The following IRX3 variants were observed in gnomAD, a reference collection of about 807,000 sequenced individuals.
IRX3 encodes iroquois-class homeodomain protein IRX-3.
In IRX3, 20 loss-of-function variants were observed where a neutral mutation model predicts 36.4. The ratio of observed to expected loss-of-function variants is 0.55; its 90% CI spans 0.39 to 0.80. IRX3 has a LOEUF of 0.80. IRX3 is among the 30% of genes least tolerant of loss of function. The pLI is 0.00. For missense variants in IRX3, 718 were observed against 733.2 expected, an observed-to-expected ratio of 0.98 and a Z score of 0.24; for synonymous variants, 404 against 351.6, an observed-to-expected ratio of 1.15 and a Z score of -1.67.
rs1490649913 is a variant in IRX3, at chr16:54,285,949, G to A, written c.102C>T (p.Gly34=). ...GGSGGSAGAR[G]GLGAGASELN... ...GCTCCGAGGCTCCGGCACCCAGGCCGCCCCGGGCCCCCGCGCTGCCGCCGC... is the reference window on the plus strand; with the variant it reads ...GCTCCGAGGCTCCGGCACCCAGGCCACCCCGGGCCCCCGCGCTGCCGCCGC... Residue 34 remains glycine, a synonymous_variant, in exon 1 of 4, where the codon GGC becomes GGT. Transcript: ENST00000329734. The surrounding 1 kb of genome is among the most constrained non-coding windows in gnomAD (Gnocchi z 5.7). 4.2e-6 allele frequency: 6 copies of A among 1,428,800 alleles called. No individual in the cohort carries two copies. In the African/African-American group the frequency reaches 6.0e-5, roughly 14 times the overall value. 88.5% of individuals were successfully genotyped at this position (1,428,800 alleles called of 1,614,324 possible). A position where few individuals can be genotyped will look rare whatever the true frequency, so the allele number is the denominator to read the frequency against.
At position 54,285,747 on chromosome 16, in the gene IRX3, C is replaced by A. The variant is rs1320960930; in HGVS notation, c.267+37G>T. 16 of 1,496,528 alleles carry A rather than the reference C, an allele frequency of 1.1e-5. No homozygotes were observed. The highest frequency in any genetic ancestry group is 2.3e-5 in the Admixed American group (1 of 42,908). 92.7% of individuals were successfully genotyped at this position (1,496,528 alleles called of 1,614,324 possible). ...GCGCTCAGCTCGCCCTGCGCCCCAG[C>A]GCCAACCCCTCCTTCCCTGGCTCCG... On this transcript the variant is annotated intron_variant, in intron 1 of 3. Transcript: ENST00000329734. The surrounding 1 kb of genome is among the most constrained non-coding windows in gnomAD (Gnocchi z 5.7).
Position 54,285,868 on chromosome 16 carries a change from G to A in IRX3, c.183C>T (p.Tyr61=). The A allele has an allele frequency of 6.5e-7, 1 of 1,542,304 alleles. No homozygotes were observed. The highest frequency in any genetic ancestry group is 8.7e-7 in the Non-Finnish European group (1 of 1,145,936). The change falls in exon 1 of 4, where the codon TAC becomes TAT. Residue 61 remains tyrosine, a synonymous_variant. Transcript: ENST00000329734. This position sits in a 1 kb window ranked among gnomAD's most constrained non-coding sequence, Gnocchi z 5.7. ...CGGCGGCGGCCGCAGCGGCCGCGGC[G>A]TAGGGCGCCCCGTACACGGACGAGA... ...NVLSSVYGAP[Y]AAAAAAAAAQ...
chr16:54,284,304 T>C lies in IRX3; in HGVS notation c.1393A>G (p.Ser465Gly), dbSNP rs775404581. The change falls in exon 3 of 4, where the codon AGT becomes GGT. Residue 465 changes from serine to glycine, a missense_variant. Ser to Gly is a moderately conservative substitution (Grantham distance 56). Transcript: ENST00000329734. The surrounding 1 kb of genome is among the most constrained non-coding windows in gnomAD (Gnocchi z 4.0). ...AEPEGGTDRCSALEVEKKLLK... is the reference protein window; with the variant it reads ...AEPEGGTDRCGALEVEKKLLK... ...AACTTTTTCTCCACTTCCAAGGCAC[T>C]ACAGCGATCTAAGGGAAGCGGGGGA... The C allele has an allele frequency of 6.2e-7, 1 of 1,609,156 alleles. No individual in the cohort carries two copies. Among genetic ancestry groups the C allele is most frequent in the Non-Finnish European group, 8.5e-7 (1 of 1,177,860 alleles).
In IRX3 at chr16:54,285,904, C is replaced by T; in HGVS notation, c.147G>A (p.Leu49=). Residue 49 remains leucine (L), a synonymous_variant, in exon 1 of 4, where the codon CTG becomes CTA. Transcript: ENST00000329734. This position sits in a 1 kb window ranked among gnomAD's most constrained non-coding sequence, Gnocchi z 5.7. ...CGTACACGGACGAGAGCACGTTGGA[C>T]AGGGACCCCGAGGCGTTCAGCTCCG... The part of the protein sequence containing the change: ...GASELNASGS[L]SNVLSSVYGA... The T allele has an allele frequency of 1.3e-6, 2 of 1,531,132 alleles. No individual in the cohort carries two copies. The highest frequency in any genetic ancestry group is 4.0e-5 in the Admixed American group (2 of 49,710). The allele number at this position is 1,531,132 out of a possible 1,614,324, so 94.8% of individuals were successfully genotyped here.
Position 54,285,831 on chromosome 16 carries a change from C to A in IRX3, c.220G>T (p.Gly74Cys). Residue 74 changes from glycine to cysteine, a missense_variant, in exon 1 of 4, where the codon GGC becomes TGC. This residue lies in a region of IRX3 where 204 missense variants were observed against 181.4 expected (regional missense o/e 1.12). Coordinates refer to ENST00000329734, the MANE Select transcript of IRX3 (RefSeq NM_024336.3). The surrounding 1 kb of genome is among the most constrained non-coding windows in gnomAD (Gnocchi z 5.7). ...AAAAAAAQGYGAFLPYAAELP... is the reference protein window; with the variant it reads ...AAAAAAAQGYCAFLPYAAELP... Reference sequence around the variant, plus strand: ...TCCGCGGCGTAGGGCAGGAAGGCGCCGTAGCCTTGGGCGGCGGCGGCCGCA... The same window carrying A: ...TCCGCGGCGTAGGGCAGGAAGGCGCAGTAGCCTTGGGCGGCGGCGGCCGCA... 1 of 1,564,050 alleles carries A rather than the reference C, an allele frequency of 6.4e-7. No individual in the cohort carries two copies. The highest frequency in any genetic ancestry group is 8.6e-7 in the Non-Finnish European group (1 of 1,159,124).
In IRX3 at chr16:54,283,704, C is replaced by T; in HGVS notation, c.1488G>A (p.Ser496=). The T allele has an allele frequency of 7.1e-7, 1 of 1,403,238 alleles. No homozygotes were observed. The highest frequency in any genetic ancestry group is 1.0e-6 in the Non-Finnish European group (1 of 988,196). 86.9% of individuals were successfully genotyped at this position (1,403,238 alleles called of 1,614,324 possible). The part of the protein sequence containing the change: ...QNHLDAALVL[S]ALSSS ...TAAAGAACTAGGATGAGGAGAGAGC[C>T]GATAAGACCAGGGCGGCGTCCAGAT... is the stretch of plus-strand genomic sequence containing the variant. The change falls in exon 4 of 4, where the codon TCG becomes TCA. Residue 496 remains serine, a synonymous_variant. Transcript: ENST00000329734. The surrounding 1 kb of genome is among the most constrained non-coding windows in gnomAD (Gnocchi z 4.4).
At position 54,285,682 on chromosome 16, in the gene IRX3, T is replaced by TC; in HGVS notation, c.268-70dup. On this transcript the variant is annotated intron_variant, in intron 1 of 3. Transcript: ENST00000329734. The surrounding 1 kb of genome is among the most constrained non-coding windows in gnomAD (Gnocchi z 5.7). ...CGAGTGAGCCCCAGCCATCGCTGCC[T>TC]CCCCCCTCCTGGCCTGCACCCCTCT... 1 of 1,460,124 alleles carries TC rather than the reference T, an allele frequency of 6.8e-7. No individual in the cohort carries two copies. Among genetic ancestry groups the TC allele is most frequent in the Non-Finnish European group, 9.0e-7 (1 of 1,110,518 alleles). 90.4% of individuals were successfully genotyped at this position (1,460,124 alleles called of 1,614,324 possible). A position where few individuals can be genotyped will look rare whatever the true frequency, so the allele number is the denominator to read the frequency against.
In IRX3 at chr16:54,283,653, AG is replaced by A. The variant is rs1567615773; in HGVS notation, c.*32del. 9.8e-7 allele frequency: 1 copy of A among 1,020,278 alleles called. No individual in the cohort carries two copies. Among genetic ancestry groups the A allele is most frequent in the Non-Finnish European group, 1.5e-6 (1 of 661,110 alleles). 63.2% of individuals were successfully genotyped at this position (1,020,278 alleles called of 1,614,324 possible). On this transcript the variant is annotated 3_prime_UTR_variant, in exon 4 of 4. Coordinates refer to ENST00000329734, the MANE Select transcript of IRX3 (RefSeq NM_024336.3). The surrounding 1 kb of genome is among the most constrained non-coding windows in gnomAD (Gnocchi z 4.4). ...TACAATTATTACAACGATTAAAAAA[AG>A]TTTTTTTTGTTTTTTTGTTTTTTTT...
chr16:54,284,713 C>T lies in IRX3; in HGVS notation c.1168G>A (p.Ala390Thr). Residue 390 changes from alanine to threonine, a missense_variant, in exon 2 of 4, where the codon GCC becomes ACC. Physicochemically the swap from Ala to Thr is moderately conservative, Grantham distance 58. Coordinates refer to ENST00000329734, the MANE Select transcript of IRX3 (RefSeq NM_024336.3). This position sits in a 1 kb window ranked among gnomAD's most constrained non-coding sequence, Gnocchi z 4.0. ...ACCAGTCTGTGAGCGGCGGCGGCGG[C>T]GGCGGCCGGAGAGAGCTGCAGGGCG... ...PSALQLSPAA[A>T]AAAAHRLVSA... The T allele has an allele frequency of 1.4e-6, 2 of 1,427,870 alleles. No individual in the cohort carries two copies. The highest frequency in any genetic ancestry group is 1.5e-5 in the South Asian group (1 of 66,836). The allele number at this position is 1,427,870 out of a possible 1,614,324, so 88.5% of individuals were successfully genotyped here. A position where few individuals can be genotyped will look rare whatever the true frequency, so the allele number is the denominator to read the frequency against.
In IRX3 at chr16:54,285,602, A is replaced by C; in HGVS notation, c.279T>G (p.Tyr93Ter). ...LPIFPQLGAQYELKDSPGVQH... is the reference protein window; with the variant it reads ...LPIFPQLGAQ ...GCACCCCGGGGCTGTCCTTCAGCTC[A>C]TACTGCGCGCCCTGTACGCACATGG... is the stretch of plus-strand genomic sequence containing the variant. Residue 93 changes from tyrosine (Y) to a stop codon, truncating the protein, a stop_gained, in exon 2 of 4, where the codon TAT becomes TAG. Coordinates refer to ENST00000329734, the MANE Select transcript of IRX3 (RefSeq NM_024336.3). LOFTEE classifies it high-confidence loss of function. The surrounding 1 kb of genome is among the most constrained non-coding windows in gnomAD (Gnocchi z 5.7). 1 of 1,534,608 alleles carries C rather than the reference A, an allele frequency of 6.5e-7. No homozygotes were observed. Among genetic ancestry groups the C allele is most frequent in the Non-Finnish European group, 8.8e-7 (1 of 1,139,980 alleles).
chr16:54,284,200 C>T lies in IRX3; in HGVS notation c.1451+46G>A, dbSNP rs1185450802. 5.1e-6 allele frequency: 8 copies of T among 1,559,684 alleles called. No individual in the cohort carries two copies. In the Admixed American group the frequency reaches 5.2e-5, roughly 10 times the overall value. On this transcript the variant is annotated intron_variant, in intron 3 of 3. Transcript: ENST00000329734. The surrounding 1 kb of genome is among the most constrained non-coding windows in gnomAD (Gnocchi z 4.0). ...CGTGGTGCTCGGCGTCCTCTCCTTT[C>T]CCCGCCAGCCAGTCCCCCTGGCCCC...
In IRX3 at chr16:54,286,280, T is replaced by G. The variant is rs1901340135; in HGVS notation, c.-230A>C. 1.0e-6 allele frequency: 1 copy of G among 1,000,226 alleles called. No individual in the cohort carries two copies. The highest frequency in any genetic ancestry group is 1.2e-6 in the Non-Finnish European group (1 of 840,198). 62.0% of individuals were successfully genotyped at this position (1,000,226 alleles called of 1,614,324 possible). On this transcript the variant is annotated 5_prime_UTR_variant, in exon 1 of 4. Coordinates refer to ENST00000329734, the MANE Select transcript of IRX3 (RefSeq NM_024336.3). ...CAGGTCCGAACAGATTGGCGGAGAT[T>G]CCCGGGGCTCCGGGCTCTGATTGAC... is the stretch of plus-strand genomic sequence containing the variant.
chr16:54,284,140 C>A lies in IRX3; in HGVS notation c.1451+106G>T. The A allele has an allele frequency of 1.6e-6, 2 of 1,233,878 alleles. No individual in the cohort carries two copies. The highest frequency in any genetic ancestry group is 2.3e-6 in the Non-Finnish European group (2 of 878,446). 76.4% of individuals were successfully genotyped at this position (1,233,878 alleles called of 1,614,324 possible). ...TCCCCTTTTACAAAATGCGTCCCAGCAGGGTTCCCCCCTACCCCGGGGCAA... is the reference window on the plus strand; with the variant it reads ...TCCCCTTTTACAAAATGCGTCCCAGAAGGGTTCCCCCCTACCCCGGGGCAA... On this transcript the variant is annotated intron_variant, in intron 3 of 3. Coordinates refer to ENST00000329734, the MANE Select transcript of IRX3 (RefSeq NM_024336.3). The surrounding 1 kb of genome is among the most constrained non-coding windows in gnomAD (Gnocchi z 4.0).
Position 54,285,584 on chromosome 16 carries a change from G to T in IRX3, c.297C>A (p.Pro99=). The T allele has an allele frequency of 6.4e-7, 1 of 1,565,980 alleles. No homozygotes were observed. Among genetic ancestry groups the T allele is most frequent in the Non-Finnish European group, 8.7e-7 (1 of 1,155,914 alleles). The part of the protein sequence containing the change: ...LGAQYELKDS[P]GVQHPAAAAA... ...CAGCCGCGGCCGGATGCTGCACCCC[G>T]GGGCTGTCCTTCAGCTCATACTGCG... The change falls in exon 2 of 4, where the codon CCC becomes CCA. Residue 99 remains proline, a synonymous_variant. Transcript: ENST00000329734. This position sits in a 1 kb window ranked among gnomAD's most constrained non-coding sequence, Gnocchi z 5.7.
rs1269961954 is a variant in IRX3 at position 54,286,077 on chromosome 16, G to T, written c.-27C>A. 1 of 1,249,756 alleles carries T rather than the reference G, an allele frequency of 8.0e-7. No homozygotes were observed. The highest frequency in any genetic ancestry group is 3.4e-5 in the East Asian group (1 of 29,210). 77.4% of individuals were successfully genotyped at this position (1,249,756 alleles called of 1,614,324 possible). A position where few individuals can be genotyped will look rare whatever the true frequency, so the allele number is the denominator to read the frequency against. The stretch of plus-strand genomic sequence containing the variant: ...GTGGCCCGCGGGGCACGGACGGAGA[G>T]GGGGGCCGACCCCCGGGCCGCCCAG... On this transcript the variant is annotated 5_prime_UTR_variant, in exon 1 of 4. Transcript: ENST00000329734.
chr16:54,284,280 AC>A lies in IRX3; in HGVS notation c.1416del (p.Lys472AsnfsTer51). 2 of 1,612,264 alleles carry A rather than the reference AC, an allele frequency of 1.2e-6. No homozygotes were observed. The highest frequency in any genetic ancestry group is 1.7e-6 in the Non-Finnish European group (2 of 1,179,174). On this transcript the variant is annotated frameshift_variant, in exon 3 of 4. Transcript: ENST00000329734. LOFTEE classifies it high-confidence loss of function. The surrounding 1 kb of genome is among the most constrained non-coding windows in gnomAD (Gnocchi z 4.0). ...DRCSALEVEKKLLKTAFQPVP... is the reference protein window; with the variant it reads ...DRCSALEVEKXLLKTAFQPVP... Reference sequence around the variant, plus strand: ...ACGGGCTGGAAAGCTGTCTTGAGTAACTTTTTCTCCACTTCCAAGGCACTAC... The same window carrying A: ...ACGGGCTGGAAAGCTGTCTTGAGTAATTTTTCTCCACTTCCAAGGCACTAC...
chr16:54,283,990 C>G lies in IRX3; in HGVS notation c.1452-250G>C. 1 of 1,433,792 alleles carries G rather than the reference C, an allele frequency of 7.0e-7. No homozygotes were observed. The highest frequency in any genetic ancestry group is 9.1e-7 in the Non-Finnish European group (1 of 1,097,742). 88.8% of individuals were successfully genotyped at this position (1,433,792 alleles called of 1,614,324 possible). A position where few individuals can be genotyped will look rare whatever the true frequency, so the allele number is the denominator to read the frequency against. ...CCACCCGCCCCAGGGGCCTGTGGGC[C>G]CAGCCACGCAAGGCTTCCCCTAGAA... On this transcript the variant is annotated intron_variant, in intron 3 of 3. Coordinates refer to ENST00000329734, the MANE Select transcript of IRX3 (RefSeq NM_024336.3). The surrounding 1 kb of genome is among the most constrained non-coding windows in gnomAD (Gnocchi z 4.4).
Position 54,284,161 on chromosome 16 carries a change from G to T in IRX3, c.1451+85C>A. 1 of 1,375,602 alleles carries T rather than the reference G, an allele frequency of 7.3e-7. No homozygotes were observed. 85.2% of individuals were successfully genotyped at this position (1,375,602 alleles called of 1,614,324 possible). On this transcript the variant is annotated intron_variant, in intron 3 of 3. Transcript: ENST00000329734. The surrounding 1 kb of genome is among the most constrained non-coding windows in gnomAD (Gnocchi z 4.0). ...CCAGCAGGGTTCCCCCCTACCCCGG[G>T]GCAAAAGGCCGTGCGTGGTGCTCGG...
chr16:54,286,239 C>T lies in IRX3; in HGVS notation c.-189G>A, dbSNP rs1901338549. 6 of 993,930 alleles carry T rather than the reference C, an allele frequency of 6.0e-6. No individual in the cohort carries two copies. Among genetic ancestry groups the T allele is most frequent in the Admixed American group, 5.9e-5 (1 of 16,818 alleles). The allele number at this position is 993,930 out of a possible 1,614,324, so 61.6% of individuals were successfully genotyped here. A position where few individuals can be genotyped will look rare whatever the true frequency, so the allele number is the denominator to read the frequency against. ...GCGGCGACGGCGGCGGCGAGGGCGG[C>T]GGCGAGGAGCCAGGTCAGGTCCGAA... is the stretch of plus-strand genomic sequence containing the variant. On this transcript the variant is annotated 5_prime_UTR_variant, in exon 1 of 4. Coordinates refer to ENST00000329734, the MANE Select transcript of IRX3 (RefSeq NM_024336.3).
Sources: gnomAD v4.1 joint callset for allele counts on GRCh38, gnomAD v4.1.1 for gene constraint, gnomAD v4.1.1 regional missense constraint, Gnocchi (gnomAD v3.1) non-coding constraint, MANE v1.5 for transcripts, NCBI Gene and HGNC (gene_info 2026-07-23, HGNC 2026-07-21) for gene names.